The following DNAH17 variants were observed in gnomAD, a reference collection of about 807,000 sequenced individuals.
DNAH17 encodes axonemal beta dynein heavy chain 17.
In DNAH17, 376 loss-of-function variants were observed where a neutral mutation model predicts 485.6. The ratio of observed to expected loss-of-function variants is 0.77; its 90% CI spans 0.71 to 0.84. DNAH17 has a LOEUF of 0.84. Ranked by LOEUF, DNAH17 falls within the 40% of genes least tolerant of loss-of-function variation. The pLI, the probability that DNAH17 is intolerant of heterozygous loss-of-function variation, is 0.00. For missense variants in DNAH17, 6,370 were observed against 5,839.3 expected (o/e 1.09, Z -2.96); for synonymous variants, 3,031 against 2,405.9 (o/e 1.26, Z -7.60).
At chr17:78,576,828 C>G (rs1342442408) in intron 1 of DNAH17, among the ~76,000 whole-genome samples, 1 of 152,250 alleles carries the variant, frequency 6.6e-6, no homozygotes, top group East Asian at 1.9e-4. Flanking sequence ...GGCCCCTACA[C>G]CCCGCAAGTT....
intron 43 of DNAH17, 90 bp from the exon 44 acceptor site, chr17:78,490,937 C>G: frequency 1.4e-6 from 2 of 1,434,466 alleles, no homozygotes; most frequent in South Asian, 2.8e-5. Context: ...GAGCAAACCT[C>G]CGAGCAAGGA....
At chr17:78,521,675 A>G (rs1024937823) in intron 25 of DNAH17, among the ~76,000 whole-genome samples, 1 of 152,156 alleles carries the variant, frequency 6.6e-6, no homozygotes, top group Non-Finnish European at 1.5e-5. Flanking sequence ...CAAGTTTCAT[A>G]TTAAAAACTT....
chr17:78,499,211 T>A (rs752682301), intron 36 of DNAH17, 99 bp from the exon 37 acceptor site: 33 of 883,032 alleles, frequency 3.7e-5, no homozygotes, highest in Admixed American at 6.7e-5. Context: ...TGTTTTCTCT[T>A]CCCAAAGCTT....
chr17:78,437,689 G>C lies in DNAH17; in HGVS notation c.11985C>G (p.Pro3995=), dbSNP rs1313208475. 1 of 1,612,066 alleles carries C rather than the reference G, an allele frequency of 6.2e-7. No individual in the cohort carries two copies. Among genetic ancestry groups the C allele is most frequent in the East Asian group, 2.2e-5 (1 of 44,850 alleles). ...TGTGCAAGTTGGCGTGCATGCCCGT[G>C]GGGGGCTCGTTGGTGATCTTGATGG... The part of the protein sequence containing the change: ...ENAIKITNEP[P]TGMHANLHKA... The change falls in exon 74 of 81, where the codon CCC becomes CCG. Residue 3995 remains proline (P), a synonymous_variant. Transcript: ENST00000389840.
In DNAH17 at chr17:78,561,986, G is replaced by C. The variant is rs900785092; in HGVS notation, c.1570-6C>G. ...CCCCCACACATGTACAGGAGCTGAG[G>C]ACAAAGGAGAAGGGGGCCTCTTCAC... On this transcript the variant is annotated splice_region_variant and splice_polypyrimidine_tract_variant and intron_variant, in intron 11 of 80. Coordinates refer to ENST00000389840, the MANE Select transcript of DNAH17 (RefSeq NM_173628.4). 1 of 1,573,532 alleles carries C rather than the reference G, an allele frequency of 6.4e-7. No homozygotes were observed. Among genetic ancestry groups the C allele is most frequent in the African/African-American group, 1.4e-5 (1 of 73,476 alleles).
chr17:78,555,538 C>T (rs975249445), intron 14 of DNAH17, among the ~76,000 whole-genome samples: 11 of 33,524 alleles, frequency 3.3e-4, no homozygotes, highest in African/African-American at 1.1e-3. Context: ...AGCAAGATTC[C>T]GTCACAAAAA....
At chr17:78,437,282 C>A (rs1187619708) in intron 74 of DNAH17, among the ~76,000 whole-genome samples, 1 of 152,236 alleles carries the variant, frequency 6.6e-6, no homozygotes, top group East Asian at 1.9e-4. Context: ...CAGGGAGTAC[C>A]CCACGGAGCT....
At chr17:78,457,230 G>C (rs989254935) in intron 62 of DNAH17, among the ~76,000 whole-genome samples, 5 of 152,186 alleles carry the variant, frequency 3.3e-5, no homozygotes, top group African/African-American at 1.2e-4. Flanking sequence ...AATTAGCCGG[G>C]TGTGGTGGCA....
At position 78,441,119 on chromosome 17, in the gene DNAH17, C is replaced by T. The variant is rs1401565808; in HGVS notation, c.11609G>A (p.Ser3870Asn). 1 of 1,613,756 alleles carries T rather than the reference C, an allele frequency of 6.2e-7. No homozygotes were observed. The highest frequency in any genetic ancestry group is 2.2e-5 in the East Asian group (1 of 44,896). ...VEFSKSYEES[S>N]PSTSIFFILS... ...GATGAAGAAGATTGACGTGGAGGGG[C>T]TGCTCTCCTCGTAGGACTTAGAAAA... is the stretch of plus-strand genomic sequence containing the variant. Residue 3870 changes from serine (S) to asparagine (N), a missense_variant, in exon 72 of 81, where the codon AGC (serine) becomes AAC (asparagine). By Grantham distance (46) the Ser-to-Asn change is conservative (BLOSUM62 1). Transcript: ENST00000389840.
chr17:78,427,764 G>C (rs1168849490), intron 77 of DNAH17, among the ~76,000 whole-genome samples: 1 of 152,108 alleles, frequency 6.6e-6, no homozygotes, highest in African/African-American at 2.4e-5. Context: ...CTGAGATCAG[G>C]AGTTCAAAAC....
rs2089236020 is a variant in DNAH17, at chr17:78,479,111, G to A, written c.7906C>T (p.His2636Tyr). Residue 2636 changes from histidine (H) to tyrosine (Y), a missense_variant, in exon 51 of 81, where the codon CAT (histidine) becomes TAT (tyrosine). Physicochemically the swap from His to Tyr is moderately conservative, Grantham distance 83. Coordinates refer to ENST00000389840, the MANE Select transcript of DNAH17 (RefSeq NM_173628.4). ...AGAAATGTTGCCGTGATTTTCTGAT[G>A]CAAAGCTGTTAGAGGAAAAGGACGT... ...SQLVAAALALHQKITATFLPT... is the reference protein window; with the variant it reads ...SQLVAAALALYQKITATFLPT... The A allele has an allele frequency of 8.1e-6, 13 of 1,613,756 alleles. No individual in the cohort carries two copies. Among genetic ancestry groups the A allele is most frequent in the Non-Finnish European group, 1.1e-5 (13 of 1,179,838 alleles).
Position 78,454,621 on chromosome 17 carries a change from G to A in DNAH17, c.10255C>T (p.Leu3419Phe), listed in dbSNP as rs763579534. 4.3e-6 allele frequency: 7 copies of A among 1,612,656 alleles called. No homozygotes were observed. The highest frequency in any genetic ancestry group is 5.9e-6 in the Non-Finnish European group (7 of 1,179,776). The stretch of plus-strand genomic sequence containing the variant: ...TCGGTGGACATGCGGTCGCTGGGGA[G>A]GCCCTGGTTGTTCCAGGTGGCCACG... ...ADVATWNNQG[L>F]PSDRMSTENA... is the part of the protein sequence containing the mutation. Residue 3419 changes from leucine (L) to phenylalanine (F), a missense_variant, in exon 64 of 81, where the codon CTC (leucine) becomes TTC (phenylalanine). Leu to Phe is a conservative substitution (Grantham distance 22). Coordinates refer to ENST00000389840, the MANE Select transcript of DNAH17 (RefSeq NM_173628.4).
chr17:78,527,507 TTGTGGG>T lies in DNAH17; in HGVS notation c.3508-517_3508-512del, dbSNP rs376997746. On this transcript the variant is annotated intron_variant, in intron 22 of 80. Coordinates refer to ENST00000389840, the MANE Select transcript of DNAH17 (RefSeq NM_173628.4). Reference sequence around the variant, plus strand: ...ATCATGTTTTTAAACCTGAATCCATTTGTGGGTGTGGGTGTGGGTGTGGTCTCCCAT... The same window carrying T: ...ATCATGTTTTTAAACCTGAATCCATTTGTGGGTGTGGGTGTGGTCTCCCAT... Among the ~76,000 whole-genome samples, 477 of 152,278 alleles carry T rather than the reference TTGTGGG, an allele frequency of 3.1e-3. 2 individuals carry two copies. Among genetic ancestry groups the T allele is most frequent in the Non-Finnish European group, 4.9e-3 (336 of 68,024 alleles).
rs767819918 is a variant in DNAH17, at chr17:78,560,914, G to A, written c.1857C>T (p.Ala619=). 14 of 1,550,284 alleles carry A rather than the reference G, an allele frequency of 9.0e-6. No individual in the cohort carries two copies. Among genetic ancestry groups the A allele is most frequent in the East Asian group, 2.4e-5 (1 of 40,912 alleles). The change falls in exon 13 of 81, where the codon GCC becomes GCT. Residue 619 remains alanine, a synonymous_variant. Coordinates refer to ENST00000389840, the MANE Select transcript of DNAH17 (RefSeq NM_173628.4). ...CGTCATACTTCTGATAGGTCAGCTT[G>A]GCCTCTGCTCCAGACATGACCCTGG... The part of the protein sequence containing the change: ...VEHPVMSGAE[A]KLTYQKYDEM...
chr17:78,531,030 G>C (rs143451126), intron 20 of DNAH17, among the ~76,000 whole-genome samples: 3 of 152,302 alleles, frequency 2.0e-5, no homozygotes, highest in Non-Finnish European at 4.4e-5. Context: ...CAGCTGTTGG[G>C]TAAAGTGTTC....
Position 78,450,091 on chromosome 17 carries a change from C to T in DNAH17, c.11040+163G>A, listed in dbSNP as rs184963439. The T allele has an allele frequency of 1.4e-4, 118 of 830,858 alleles. No homozygotes were observed. In the East Asian group the frequency reaches 3.1e-3, roughly 22 times the overall value. The allele number at this position is 830,858 out of a possible 1,614,324, so 51.5% of individuals were successfully genotyped here. On this transcript the variant is annotated intron_variant, in intron 68 of 80. Coordinates refer to ENST00000389840, the MANE Select transcript of DNAH17 (RefSeq NM_173628.4). ...AATGGGTGTAGGACTGATGGGGGCCCCTGGCTCCCCCTCTTCCAGCTCCAT... is the reference window on the plus strand; with the variant it reads ...AATGGGTGTAGGACTGATGGGGGCCTCTGGCTCCCCCTCTTCCAGCTCCAT...
intron 17 of DNAH17, among the ~76,000 whole-genome samples, chr17:78,542,144 CTTTTTTT>C (rs375269334): frequency 4.6e-5 from 6 of 130,970 alleles, no homozygotes; most frequent in South Asian, 2.5e-4. Context: ...CCCTAAAATA[CTTTTTTT>C]TTTTTTTTTT....
intron 18 of DNAH17, among the ~76,000 whole-genome samples, chr17:78,539,403 T>C (rs1598672256): frequency 6.6e-6 from 1 of 151,944 alleles, no homozygotes; most frequent in African/African-American, 2.4e-5. Flanking sequence ...CAGGAGACCC[T>C]CCCCCCAATC....
At chr17:78,514,472 TC>T (rs1189182182) in intron 26 of DNAH17, among the ~76,000 whole-genome samples, 47 of 125,258 alleles carry the variant, frequency 3.8e-4, no homozygotes, top group Admixed American at 1.1e-3. Flanking sequence ...GCCACTGCAC[TC>T]CAACCTGGTG....
Sources: gnomAD v4.1 joint callset for allele counts (sites outside exome capture counted in the v4.1 genomes callset) on GRCh38, gnomAD v4.1.1 for gene constraint, MANE v1.5 for transcripts, NCBI Gene and HGNC (gene_info 2026-07-23, HGNC 2026-07-21) for gene names.